Variants in OCIAD1 observed in about 807,000 individuals in gnomAD.
OCIAD1 encodes the protein OCIA domain-containing protein 1.
In OCIAD1, 29 loss-of-function variants were observed where a neutral mutation model predicts 38.9. That is an observed-to-expected ratio of 0.74 (90% CI 0.55 to 1.02). The LOEUF (loss-of-function observed/expected upper bound fraction) is 1.02, where lower values mean the gene tolerates loss of function less well. Ranked by LOEUF, OCIAD1 falls within the 50% of genes least tolerant of loss-of-function variation. The probability of loss-of-function intolerance (pLI) is 0.00; values close to 1 mark genes in which losing one functional copy is unlikely to be tolerated. For synonymous variants in OCIAD1, 110 were observed against 92.0 expected (o/e 1.20, Z -1.12); for missense variants, 288 against 289.6 (o/e 0.99, Z 0.04).
intron 3 of OCIAD1, among the ~76,000 whole-genome samples, chr4:48,835,228 C>T (rs1191950470): frequency 6.6e-6 from 1 of 152,168 alleles, no homozygotes; most frequent in East Asian, 1.9e-4. Context: ...GCCACTGCGC[C>T]TGGCCCTGAA....
intron 8 of OCIAD1, among the ~76,000 whole-genome samples, 161 bp downstream of exon 8, chr4:48,857,526 T>C (rs1454870993): frequency 7.0e-6 from 1 of 143,374 alleles, no homozygotes. Context: ...TTATCAGTTC[T>C]TTTTTTTTTT....
intron 1 of OCIAD1, among the ~76,000 whole-genome samples, chr4:48,819,212 C>T (rs1777168228): frequency 6.6e-6 from 1 of 152,136 alleles, no homozygotes; most frequent in South Asian, 2.1e-4. Context: ...GCCCATCAGA[C>T]TAACAGTGGA....
chr4:48,834,654 G>C (rs115798420), intron 3 of OCIAD1, among the ~76,000 whole-genome samples: 1 of 152,032 alleles, frequency 6.6e-6, no homozygotes. Flanking sequence ...AGCTGTAATC[G>C]CAACCATTTG....
intron 8 of OCIAD1, among the ~76,000 whole-genome samples, chr4:48,858,566 A>G (rs1230734767): frequency 6.6e-6 from 1 of 152,004 alleles, no homozygotes; most frequent in Non-Finnish European, 1.5e-5. Flanking sequence ...CAGTCCTCCT[A>G]CCTCAGCTTC....
At chr4:48,840,006 T>G (rs1358504814) in intron 3 of OCIAD1, among the ~76,000 whole-genome samples, 1 of 152,232 alleles carries the variant, frequency 6.6e-6, no homozygotes, top group Non-Finnish European at 1.5e-5. Context: ...GTACTCAGAT[T>G]GGAATGAGGA....
At chr4:48,833,506 T>C (rs1218162967) in intron 3 of OCIAD1, 25 bp downstream of exon 3, 2 of 1,412,830 alleles carry the variant, frequency 1.4e-6, no homozygotes, top group Non-Finnish European at 2.0e-6. Flanking sequence ...CTAATTAATA[T>C]AATTTGATCC....
At chr4:48,849,768 G>T (rs1176629417) in intron 5 of OCIAD1, among the ~76,000 whole-genome samples, 179 bp from the exon 6 acceptor site, 3 of 152,072 alleles carry the variant, frequency 2.0e-5, no homozygotes, top group African/African-American at 7.2e-5. Context: ...CATAGACTCT[G>T]TATATGAACT....
At chr4:48,838,808 TC>T (rs1778251997) in intron 3 of OCIAD1, among the ~76,000 whole-genome samples, 1 of 152,242 alleles carries the variant, frequency 6.6e-6, no homozygotes, top group African/African-American at 2.4e-5. Context: ...GACTTGTTGA[TC>T]TAGGGACCAT....
chr4:48,852,117 G>T, intron 7 of OCIAD1, 142 bp downstream of exon 7: 1 of 630,660 alleles, frequency 1.6e-6, no homozygotes, highest in Non-Finnish European at 2.6e-6. Flanking sequence ...TTGTTCATTT[G>T]TTTCTTCATT....
intron 7 of OCIAD1, among the ~76,000 whole-genome samples, chr4:48,853,049 T>C (rs1779676497): frequency 6.6e-6 from 1 of 151,832 alleles, no homozygotes; most frequent in African/African-American, 2.4e-5. Flanking sequence ...TCGGCTAATT[T>C]TTTGTATTTT....
At chr4:48,811,357 C>T (rs1050412145) in intron 1 of OCIAD1, among the ~76,000 whole-genome samples, 1 of 152,200 alleles carries the variant, frequency 6.6e-6, no homozygotes, top group African/African-American at 2.4e-5. Context: ...CTTCCCATTT[C>T]TCCAATAAAA....
chr4:48,848,514 G>T, intron 5 of OCIAD1, 68 bp downstream of exon 5: 2 of 738,916 alleles, frequency 2.7e-6, no homozygotes, highest in Non-Finnish European at 2.2e-6. Flanking sequence ...TTTATCAAAT[G>T]TTTTATCATG....
chr4:48,844,483 G>A (rs912853592), intron 4 of OCIAD1, among the ~76,000 whole-genome samples: 9 of 152,036 alleles, frequency 5.9e-5, no homozygotes, highest in African/African-American at 1.2e-4. Flanking sequence ...GGGCGTGGTC[G>A]TGCGTGCCTG....
At chr4:48,824,457 T>A (rs1777228215) in intron 1 of OCIAD1, among the ~76,000 whole-genome samples, 1 of 152,128 alleles carries the variant, frequency 6.6e-6, no homozygotes, top group Non-Finnish European at 1.5e-5. Flanking sequence ...CATAGCTCAC[T>A]GCAACCCTGA....
chr4:48,813,090 T>C (rs1418893198), intron 1 of OCIAD1, among the ~76,000 whole-genome samples: 1 of 152,176 alleles, frequency 6.6e-6, no homozygotes, highest in Non-Finnish European at 1.5e-5. Flanking sequence ...CAGGCTCTTG[T>C]CATGACCTCT....
chr4:48,817,548 C>T (rs890732046), intron 1 of OCIAD1, among the ~76,000 whole-genome samples: 1 of 152,182 alleles, frequency 6.6e-6, no homozygotes, highest in African/African-American at 2.4e-5. Flanking sequence ...TTTCATACCC[C>T]AGTGGGGCCT....
At chr4:48,817,151 G>A (rs1032486480) in intron 1 of OCIAD1, among the ~76,000 whole-genome samples, 2 of 152,238 alleles carry the variant, frequency 1.3e-5, no homozygotes, top group Non-Finnish European at 2.9e-5. Context: ...AGCAGAAGCA[G>A]TGTGGGGCGT....
At chr4:48,826,471 A>G (rs1242547084), upstream of OCIAD1, among the ~76,000 whole-genome samples, 1 of 152,176 alleles carries the variant, frequency 6.6e-6, no homozygotes, top group East Asian at 1.9e-4. Context: ...TGTCCCTACA[A>G]AGGACATGAA....
chr4:48,852,872 T>C (rs1779617944), intron 7 of OCIAD1, among the ~76,000 whole-genome samples: 1 of 106,636 alleles, frequency 9.4e-6, no homozygotes, highest in South Asian at 3.5e-4. Flanking sequence ...CAAGTTTTTT[T>C]TTGTTTTTTG....
Sources: gnomAD v4.1 joint callset for allele counts (sites outside exome capture counted in the v4.1 genomes callset) on GRCh38, gnomAD v4.1.1 for gene constraint, MANE v1.5 for transcripts, NCBI Gene and HGNC (gene_info 2026-07-23, HGNC 2026-07-21) for gene names.